The following TRIM44 variants were observed in gnomAD, a reference collection of about 807,000 sequenced individuals.
TRIM44 encodes tripartite motif-containing protein 44.
In TRIM44, 13 loss-of-function variants were observed where a neutral mutation model predicts 37.4. The observed-to-expected ratio is 0.35, with a 90% CI of 0.23 to 0.55. The LOEUF (loss-of-function observed/expected upper bound fraction) is 0.55. TRIM44 is among the 20% of genes least tolerant of loss of function. The probability of loss-of-function intolerance (pLI) is 0.89; values close to 1 mark genes in which losing one functional copy is unlikely to be tolerated. For missense variants in TRIM44, 426 were observed against 437.2 expected, an observed-to-expected ratio of 0.97 and a Z score of 0.23; for synonymous variants, 175 against 157.2, an observed-to-expected ratio of 1.11 and a Z score of -0.85.
chr11:35,785,375 AC>A (rs1853118042), intron 4 of TRIM44, among the ~76,000 whole-genome samples: 1 of 152,270 alleles, frequency 6.6e-6, no homozygotes. Context: ...CCTTGCTTCA[AC>A]CTAGAAGCCT....
At chr11:35,689,067 G>A (rs1016612643) in intron 2 of TRIM44, among the ~76,000 whole-genome samples, 17 of 152,208 alleles carry the variant, frequency 1.1e-4, no homozygotes, top group African/African-American at 3.6e-4. Context: ...AGGTGGGTTA[G>A]GAAGTCAGCT....
chr11:35,667,919 A>G (rs1851349925), intron 1 of TRIM44, among the ~76,000 whole-genome samples: 1 of 151,892 alleles, frequency 6.6e-6, no homozygotes, highest in Non-Finnish European at 1.5e-5. Flanking sequence ...TTGGCCTATC[A>G]TTGTTCTTTT....
chr11:35,753,609 T>C (rs1852585899), intron 4 of TRIM44, among the ~76,000 whole-genome samples: 1 of 152,244 alleles, frequency 6.6e-6, no homozygotes, highest in Non-Finnish European at 1.5e-5. Context: ...TTGCTTCTTT[T>C]CAATATTGTT....
chr11:35,706,714 C>G (rs12575664), intron 2 of TRIM44, among the ~76,000 whole-genome samples: 48,526 of 150,846 alleles, frequency 0.32, 7,927 homozygotes, highest in East Asian at 0.38. Context: ...ATTCAACAAC[C>G]CTTCATGCTA....
In TRIM44 at chr11:35,789,571, T is replaced by C. The variant is rs544851485; in HGVS notation, c.1008-16787T>C. ...GTACTCAGTTAATAAGTAGAAGAACTGGATTCAGCCTTGATTTCTCTGGCT... is the reference window on the plus strand; with the variant it reads ...GTACTCAGTTAATAAGTAGAAGAACCGGATTCAGCCTTGATTTCTCTGGCT... On this transcript the variant is annotated intron_variant, in intron 4 of 4. Transcript: ENST00000299413. Among the ~76,000 whole-genome samples the C allele has an allele frequency of 2.6e-5, 4 of 152,348 alleles. No individual in the cohort carries two copies. The South Asian group carries it at 8.3e-4, about 32-fold the overall frequency.
At chr11:35,768,361 T>C (rs1217786023) in intron 4 of TRIM44, among the ~76,000 whole-genome samples, 2 of 152,194 alleles carry the variant, frequency 1.3e-5, no homozygotes, top group African/African-American at 4.8e-5. Flanking sequence ...CTAAATAATT[T>C]GTTGAAGGTC....
chr11:35,792,322 G>C (rs1483408281), intron 4 of TRIM44, among the ~76,000 whole-genome samples: 1 of 152,154 alleles, frequency 6.6e-6, no homozygotes, highest in East Asian at 1.9e-4. Context: ...AAGCACAAAT[G>C]AAGGAATGAC....
intron 4 of TRIM44, among the ~76,000 whole-genome samples, chr11:35,755,424 A>G (rs916088866): frequency 5.9e-5 from 9 of 152,182 alleles, no homozygotes; most frequent in East Asian, 3.9e-4. Context: ...AGATGAGTAG[A>G]TTGCAAAAAT....
intron 3 of TRIM44, among the ~76,000 whole-genome samples, chr11:35,732,636 T>A (rs1852276554): frequency 1.3e-5 from 2 of 152,070 alleles, no homozygotes; most frequent in African/African-American, 4.8e-5. Context: ...TAGTGTAGAG[T>A]GGCAAACCCT....
intron 2 of TRIM44, among the ~76,000 whole-genome samples, chr11:35,688,468 C>G (rs1851605312): frequency 6.6e-6 from 1 of 152,128 alleles, no homozygotes; most frequent in Non-Finnish European, 1.5e-5. Flanking sequence ...CCTAAGTTAG[C>G]CACTGTTAAC....
At chr11:35,773,947 T>C (rs1225957071) in intron 4 of TRIM44, among the ~76,000 whole-genome samples, 7 of 152,242 alleles carry the variant, frequency 4.6e-5, no homozygotes, top group Admixed American at 3.9e-4. Flanking sequence ...TGCATGTGTC[T>C]TTATGGCAGC....
chr11:35,688,348 C>G (rs1201395821), intron 2 of TRIM44, among the ~76,000 whole-genome samples: 3 of 152,072 alleles, frequency 2.0e-5, no homozygotes, highest in African/African-American at 4.8e-5. Flanking sequence ...TTGAGTTTTG[C>G]TAGAGAGCAG....
chr11:35,703,485 C>T (rs542442693), intron 2 of TRIM44, among the ~76,000 whole-genome samples: 3 of 152,296 alleles, frequency 2.0e-5, no homozygotes, highest in South Asian at 2.1e-4. Flanking sequence ...CCCTGACCCC[C>T]GAGCAGCCTA....
chr11:35,784,756 A>G (rs552974247), intron 4 of TRIM44, among the ~76,000 whole-genome samples: 12 of 152,220 alleles, frequency 7.9e-5, no homozygotes, highest in Non-Finnish European at 1.5e-4. Context: ...ATTTCTCTCT[A>G]TATCTTTAAG....
intron 2 of TRIM44, among the ~76,000 whole-genome samples, chr11:35,703,953 A>G (rs1851835990): frequency 6.6e-6 from 1 of 152,184 alleles, no homozygotes. Flanking sequence ...CAGACGATCA[A>G]ACTACTCCGA....
chr11:35,771,989 G>T (rs940737732), intron 4 of TRIM44, among the ~76,000 whole-genome samples: 3 of 152,148 alleles, frequency 2.0e-5, no homozygotes, highest in Admixed American at 1.3e-4. Flanking sequence ...TGGTTTCCTT[G>T]GTCAGCCCAG....
chr11:35,707,438 AAG>A (rs1363272346), intron 2 of TRIM44, among the ~76,000 whole-genome samples: 1 of 152,094 alleles, frequency 6.6e-6, no homozygotes, highest in African/African-American at 2.4e-5. Flanking sequence ...GGAACCAAAA[AAG>A]AGCCCGCATC....
chr11:35,717,259 G>A (rs1013734732), intron 2 of TRIM44, among the ~76,000 whole-genome samples: 4 of 152,198 alleles, frequency 2.6e-5, no homozygotes, highest in African/African-American at 9.7e-5. Context: ...CCCAGAGGGC[G>A]GTGTTTAAAG....
At chr11:35,663,815 G>T in intron 1 of TRIM44, 35 bp downstream of exon 1, 1 of 1,571,152 alleles carries the variant, frequency 6.4e-7, no homozygotes, top group Non-Finnish European at 8.6e-7. Context: ...AAACCTAGGG[G>T]TCAGGACACC....
Sources: gnomAD v4.1 joint callset for allele counts (sites outside exome capture counted in the v4.1 genomes callset) on GRCh38, gnomAD v4.1.1 for gene constraint, MANE v1.5 for transcripts, NCBI Gene and HGNC (gene_info 2026-07-23, HGNC 2026-07-21) for gene names.